Variants in GALNT13 observed in about 807,000 individuals in gnomAD.
GALNT13 encodes the protein polypeptide N-acetylgalactosaminyltransferase 13.
A neutral mutation model predicts 64.2 loss-of-function variants in GALNT13; 28 were observed. The observed-to-expected ratio is 0.44, with a 90% CI of 0.32 to 0.60. The LOEUF (loss-of-function observed/expected upper bound fraction) is 0.60. Ranked by LOEUF, GALNT13 falls within the 20% of genes least tolerant of loss-of-function variation. The pLI, the probability that GALNT13 is intolerant of heterozygous loss-of-function variation, is 0.05. For synonymous variants in GALNT13, 214 were observed against 224.6 expected (o/e 0.95, Z 0.42); for missense variants, 577 against 669.8 (o/e 0.86, Z 1.53).
rs531722340 is a variant in GALNT13 at position 153,965,448 on chromosome 2, C to T, written c.142+20809C>T. Among the ~76,000 whole-genome samples, 26 of 152,174 alleles carry T rather than the reference C, an allele frequency of 1.7e-4. No homozygotes were observed. In the South Asian group the frequency reaches 2.3e-3, roughly 13 times the overall value. On this transcript the variant is annotated intron_variant, in intron 3 of 12. Transcript: ENST00000392825. ...CAAATGTGAGTGAGAAAATTTAATA[C>T]TTGTTTTTCTGTGCGTGGCTTGTTT... is the stretch of plus-strand genomic sequence containing the variant.
intron 3 of GALNT13, among the ~76,000 whole-genome samples, chr2:153,970,315 G>A (rs1693654324): frequency 6.6e-6 from 1 of 152,160 alleles, no homozygotes; most frequent in Non-Finnish European, 1.5e-5. Flanking sequence ...ATCTGAAACA[G>A]TTCATCATCC....
At chr2:154,015,194 T>A (rs914199271) in intron 3 of GALNT13, among the ~76,000 whole-genome samples, 2 of 152,234 alleles carry the variant, frequency 1.3e-5, no homozygotes, top group Non-Finnish European at 2.9e-5. Flanking sequence ...GCTTCCATTC[T>A]TATTCTACTT....
At position 154,433,357 on chromosome 2, in the gene GALNT13, G is replaced by A. The variant is rs572150383; in HGVS notation, c.1396-5235G>A. On this transcript the variant is annotated intron_variant, in intron 11 of 12. Coordinates refer to ENST00000392825, the MANE Select transcript of GALNT13 (RefSeq NM_052917.4). ...TCAGTTAAGAGGTGCTCAGAGATGG[G>A]AATCTCTAAGAAAATCCAAATGGTC... Among the ~76,000 whole-genome samples the A allele has an allele frequency of 2.0e-5, 3 of 152,212 alleles. No homozygotes were observed. The South Asian group carries it at 6.2e-4, about 32-fold the overall frequency.
At chr2:154,212,600 T>A (rs1465693736) in intron 4 of GALNT13, among the ~76,000 whole-genome samples, 2 of 152,002 alleles carry the variant, frequency 1.3e-5, no homozygotes, top group African/African-American at 4.8e-5. Flanking sequence ...TTGCTTCTTT[T>A]TCTTCCTATT....
At chr2:153,264,228 C>T in the GALNT13 span, among the ~76,000 whole-genome samples, 1 of 152,110 alleles carries the variant, frequency 6.6e-6, no homozygotes, top group South Asian at 2.1e-4. Flanking sequence ...AGATCAAAAC[C>T]ATAATGAGAT....
At chr2:154,159,612 T>C (rs973014851) in intron 4 of GALNT13, among the ~76,000 whole-genome samples, 40 of 152,192 alleles carry the variant, frequency 2.6e-4, no homozygotes, top group Non-Finnish European at 5.9e-5. Context: ...AATAGGTTTT[T>C]AGAGACATAC....
At chr2:154,438,866 A>G (rs1166967650) in intron 12 of GALNT13, 140 bp downstream of exon 12, 2 of 630,748 alleles carry the variant, frequency 3.2e-6, no homozygotes, top group Admixed American at 3.1e-5. Context: ...CATATCCGGT[A>G]ATATTAGGAT....
At chr2:154,423,509 C>A (rs1420960398) in intron 11 of GALNT13, among the ~76,000 whole-genome samples, 1 of 152,208 alleles carries the variant, frequency 6.6e-6, no homozygotes, top group African/African-American at 2.4e-5. Flanking sequence ...AATGACTGAA[C>A]TAGTTTACAG....
At chr2:153,083,914 T>A in the GALNT13 span, among the ~76,000 whole-genome samples, 2 of 152,226 alleles carry the variant, frequency 1.3e-5, no homozygotes, top group Non-Finnish European at 2.9e-5. Context: ...GGTTTTTGCA[T>A]AAGGTGAGAG....
At chr2:153,825,608 CTGTGTGTGTG>C in the GALNT13 span, among the ~76,000 whole-genome samples, 99 of 134,860 alleles carry the variant, frequency 7.3e-4, 1 homozygote, top group African/African-American at 1.8e-3. Context: ...TCCATGAGTG[CTGTGTGTGTG>C]TGTGTGTGTG....
At chr2:153,527,305 G>T in the GALNT13 span, among the ~76,000 whole-genome samples, 3 of 151,876 alleles carry the variant, frequency 2.0e-5, no homozygotes, top group African/African-American at 7.3e-5. Flanking sequence ...GAAAAGGAAC[G>T]AATAACACAC....
At chr2:154,344,300 C>T (rs745451569) in intron 9 of GALNT13, among the ~76,000 whole-genome samples, 1 of 101,466 alleles carries the variant, frequency 9.9e-6, no homozygotes, top group Non-Finnish European at 2.6e-5. Flanking sequence ...CAAAGACTTC[C>T]AGCAAACCAT....
chr2:153,598,491 C>T, the GALNT13 span, among the ~76,000 whole-genome samples: 1 of 152,038 alleles, frequency 6.6e-6, no homozygotes, highest in Non-Finnish European at 1.5e-5. Context: ...TTTCTCATTG[C>T]ACTTTTCACT....
intron 9 of GALNT13, among the ~76,000 whole-genome samples, chr2:154,316,744 G>A (rs549198929): frequency 1.5e-4 from 23 of 152,222 alleles, no homozygotes; most frequent in Non-Finnish European, 2.9e-4. Flanking sequence ...CAGTGTGGGG[G>A]TCTTACCCTG....
the GALNT13 span, among the ~76,000 whole-genome samples, chr2:153,658,166 T>C: frequency 4.6e-5 from 7 of 152,254 alleles, no homozygotes; most frequent in South Asian, 8.3e-4. Context: ...TTTCCTATTA[T>C]TGTACATAAA....
chr2:153,565,885 ATTACT>A, the GALNT13 span, among the ~76,000 whole-genome samples: 1 of 152,064 alleles, frequency 6.6e-6, no homozygotes, highest in African/African-American at 2.4e-5. Context: ...TGGTTTATTA[ATTACT>A]TTAAGCAAAA....
the GALNT13 span, among the ~76,000 whole-genome samples, chr2:153,369,994 C>T: frequency 3.5e-4 from 53 of 152,120 alleles, 1 homozygote; most frequent in East Asian, 8.7e-3. Flanking sequence ...GTTTTAAGCC[C>T]CTGTCTCTAA....
At chr2:153,631,578 T>G in the GALNT13 span, among the ~76,000 whole-genome samples, 1 of 152,252 alleles carries the variant, frequency 6.6e-6, no homozygotes, top group Non-Finnish European at 1.5e-5. Flanking sequence ...TGAGCATTTT[T>G]TCATGTATCT....
intron 4 of GALNT13, among the ~76,000 whole-genome samples, chr2:154,202,200 A>T (rs1180215878): frequency 6.6e-6 from 1 of 152,108 alleles, no homozygotes; most frequent in East Asian, 1.9e-4. Context: ...TACTGTGGAA[A>T]AGATAAAAAC....
Sources: gnomAD v4.1 joint callset for allele counts (sites outside exome capture counted in the v4.1 genomes callset) on GRCh38, gnomAD v4.1.1 for gene constraint, MANE v1.5 for transcripts, NCBI Gene and HGNC (gene_info 2026-07-23, HGNC 2026-07-21) for gene names.